PATL1: variants seen among roughly 807,000 people sequenced by gnomAD.
PATL1 encodes protein PAT1 homolog 1.
A neutral mutation model predicts 100.6 loss-of-function variants in PATL1; 32 were observed. The ratio of observed to expected loss-of-function variants is 0.32; its 90% CI spans 0.24 to 0.43. The LOEUF is 0.43. Among genes scored for constraint, PATL1 ranks in the 20% least tolerant of loss-of-function variants. PATL1 has a pLI of 1.00. For synonymous variants in PATL1, 332 were observed against 330.0 expected (o/e 1.01, Z -0.07); for missense variants, 747 against 949.9 (o/e 0.79, Z 2.81).
chr11:59,655,624 G>T lies in PATL1; in HGVS notation c.930C>A (p.Pro310=). ...AGAAGGCACGGAAGCCTGGTGCTGG[G>T]GGAAGCATCTGCCCAACTCGCCCTT... ...LLQGRVGQML[P]PAPGFRAFFS... The change falls in exon 8 of 19, where the codon CCC becomes CCA. Residue 310 remains proline (P), a synonymous_variant. Coordinates refer to ENST00000300146, the MANE Select transcript of PATL1 (RefSeq NM_152716.3). The T allele has an allele frequency of 6.3e-7, 1 of 1,597,058 alleles. No individual in the cohort carries two copies. The highest frequency in any genetic ancestry group is 8.5e-7 in the Non-Finnish European group (1 of 1,171,644).
chr11:59,638,126 A>G lies in PATL1; in HGVS notation c.*264T>C. 1 of 521,918 alleles carries G rather than the reference A, an allele frequency of 1.9e-6. No homozygotes were observed. The highest frequency in any genetic ancestry group is 3.2e-5 in the Admixed American group (1 of 31,542). 32.3% of individuals were successfully genotyped at this position (521,918 alleles called of 1,614,324 possible). ...GTCTCTAGGGCAAAGAAAATGCAAA[A>G]CAGAACTGAGTAAAAGTAGGACATG... is the stretch of plus-strand genomic sequence containing the variant. On this transcript the variant is annotated 3_prime_UTR_variant, in exon 19 of 19. Coordinates refer to ENST00000300146, the MANE Select transcript of PATL1 (RefSeq NM_152716.3).
At chr11:59,650,368 A>G (rs943599630) in intron 13 of PATL1, among the ~76,000 whole-genome samples, 10 of 152,206 alleles carry the variant, frequency 6.6e-5, no homozygotes, top group African/African-American at 2.2e-4. Context: ...AATATCCATT[A>G]TTTTCCTCAG....
At chr11:59,649,301 C>T (rs1435653484) in intron 14 of PATL1, among the ~76,000 whole-genome samples, 161 bp downstream of exon 14, 6 of 151,830 alleles carry the variant, frequency 4.0e-5, no homozygotes, top group Non-Finnish European at 7.4e-5. Flanking sequence ...AAAGATAATT[C>T]GTATTTTAAA....
intron 9 of PATL1, 79 bp from the exon 10 acceptor site, chr11:59,653,097 GTT>G (rs34650341): frequency 2.0e-3 from 1,759 of 889,936 alleles, no homozygotes; most frequent in South Asian, 2.7e-3. Context: ...AACCAGGCCA[GTT>G]TTTTTTTTTT....
Position 59,638,367 on chromosome 11 carries a change from TAC to T in PATL1, c.*21_*22del. 6.2e-7 allele frequency: 1 copy of T among 1,609,982 alleles called. No individual in the cohort carries two copies. The highest frequency in any genetic ancestry group is 8.5e-7 in the Non-Finnish European group (1 of 1,177,002). On this transcript the variant is annotated 3_prime_UTR_variant, in exon 19 of 19. Coordinates refer to ENST00000300146, the MANE Select transcript of PATL1 (RefSeq NM_152716.3). ...AGTGCAGGTGGCAGCCAAAAGGAGG[TAC>T]AGGACACATTTGGAGATCTTTTATC...
intron 15 of PATL1, among the ~76,000 whole-genome samples, chr11:59,647,500 A>G (rs1217021867): frequency 6.6e-6 from 1 of 152,210 alleles, no homozygotes; most frequent in East Asian, 1.9e-4. Flanking sequence ...GATACAGACC[A>G]CATCTTTACA....
At chr11:59,658,667 C>G (rs1861577019) in intron 4 of PATL1, among the ~76,000 whole-genome samples, 199 bp downstream of exon 4, 1 of 152,066 alleles carries the variant, frequency 6.6e-6, no homozygotes, top group Non-Finnish European at 1.5e-5. Flanking sequence ...CATACACTAA[C>G]AAATTTAAAT....
intron 11 of PATL1, 46 bp downstream of exon 11, chr11:59,652,418 T>C: frequency 6.3e-7 from 1 of 1,579,186 alleles, no homozygotes; most frequent in Non-Finnish European, 8.6e-7. Flanking sequence ...ATCAGCAGCT[T>C]CTCAAATTTC....
intron 8 of PATL1, 118 bp from the exon 9 acceptor site, chr11:59,654,190 A>T (rs1171933537): frequency 2.3e-6 from 2 of 878,910 alleles, no homozygotes; most frequent in Non-Finnish European, 1.8e-6. Flanking sequence ...ACAAAAGTCT[A>T]TTCGGGATGG....
chr11:59,657,238 C>G, intron 5 of PATL1: 1 of 719,124 alleles, frequency 1.4e-6, no homozygotes, highest in Non-Finnish European at 1.7e-6. Context: ...TCAGTTATCT[C>G]TCTGACAATG....
chr11:59,653,026 A>T lies in PATL1; in HGVS notation c.1122-8T>A, dbSNP rs758849069. On this transcript the variant is annotated splice_polypyrimidine_tract_variant and splice_region_variant and intron_variant, in intron 9 of 18. Transcript: ENST00000300146. ...TTGAGATTCCGATGCTGACTGAAAA[A>T]CATACACCACATTCATTCCATGTGG... is the stretch of plus-strand genomic sequence containing the variant. The T allele has an allele frequency of 1.9e-5, 30 of 1,603,966 alleles. No individual in the cohort carries two copies. Among genetic ancestry groups the T allele is most frequent in the Non-Finnish European group, 2.6e-5 (30 of 1,172,520 alleles).
At chr11:59,657,200 T>C (rs1861548271) in intron 5 of PATL1, 11 of 903,182 alleles carry the variant, frequency 1.2e-5, no homozygotes, top group Non-Finnish European at 1.5e-5. Context: ...ATGTGGACAA[T>C]GCTGTGTGTT....
chr11:59,668,744 G>A (rs1174117163), intron 1 of PATL1, 137 bp downstream of exon 1: 3 of 473,568 alleles, frequency 6.3e-6, no homozygotes, highest in Admixed American at 3.3e-5. Context: ...CCCCAGACCA[G>A]TCGCGTCCAG....
chr11:59,655,961 C>T lies in PATL1; in HGVS notation c.808G>A (p.Ala270Thr), dbSNP rs748931437. Residue 270 changes from alanine to threonine, a missense_variant, in exon 7 of 19, where the codon GCA becomes ACA. Physicochemically the swap from Ala to Thr is moderately conservative, Grantham distance 58. Transcript: ENST00000300146. ...PLQRAQLLGG[A>T]QLQPGRMSPS... ...AGGGCTAATCACAGGCTTACCTGTG[C>T]TCCTCCAAGAAGCTGTGCTCTCTGG... 2 of 1,588,662 alleles carry T rather than the reference C, an allele frequency of 1.3e-6. No homozygotes were observed. Among genetic ancestry groups the T allele is most frequent in the South Asian group, 2.3e-5 (2 of 87,292 alleles).
intron 14 of PATL1, among the ~76,000 whole-genome samples, chr11:59,648,222 G>A (rs927642740): frequency 2.3e-5 from 2 of 88,466 alleles, no homozygotes; most frequent in African/African-American, 9.6e-5. Flanking sequence ...GTCCCGCTTT[G>A]TTACCCAGGC....
At chr11:59,664,790 G>C (rs1005516886) in intron 2 of PATL1, among the ~76,000 whole-genome samples, 2 of 152,144 alleles carry the variant, frequency 1.3e-5, no homozygotes, top group African/African-American at 4.8e-5. Context: ...GGATGGTCTT[G>C]AACTCCTGGC....
intron 12 of PATL1, among the ~76,000 whole-genome samples, chr11:59,651,070 CTTT>C (rs899216678): frequency 6.7e-6 from 1 of 149,664 alleles, no homozygotes; most frequent in Non-Finnish European, 1.5e-5. Context: ...ATATGAAAAT[CTTT>C]TTTTTTTCTT....
At position 59,649,596 on chromosome 11, in the gene PATL1, G is replaced by T. The variant is rs1399174064; in HGVS notation, c.1599C>A (p.Leu533=). 6.2e-7 allele frequency: 1 copy of T among 1,612,788 alleles called. No homozygotes were observed. The highest frequency in any genetic ancestry group is 8.5e-7 in the Non-Finnish European group (1 of 1,179,350). ...GTCTTTCATAGTCCTCCACATCAAG[G>T]AGTAAGCTGTAGGTCTAAGAAGGGA... ...LVIIEKTYSL[L]LDVEDYERRY... Residue 533 remains leucine (L), a synonymous_variant, in exon 14 of 19, where the codon CTC becomes CTA. Transcript: ENST00000300146.
At chr11:59,647,063 T>TA (rs969526056) in intron 15 of PATL1, among the ~76,000 whole-genome samples, 11 of 146,900 alleles carry the variant, frequency 7.5e-5, no homozygotes, top group Non-Finnish European at 1.4e-4. Flanking sequence ...CTACAAAAGG[T>TA]AAAAAAAAAA....
Sources: allele counts gnomAD v4.1 joint callset (sites outside exome capture counted in the v4.1 genomes callset), GRCh38; gene constraint gnomAD v4.1.1; transcripts MANE v1.5; gene names NCBI Gene and HGNC (gene_info 2026-07-23, HGNC 2026-07-21).